NSG1: variants seen among roughly 807,000 people sequenced by gnomAD.
The protein encoded by NSG1 is neuronal vesicle trafficking associated 1, also known as neuronal vesicle trafficking-associated protein 1.
In NSG1, 9 loss-of-function variants were observed where a neutral mutation model predicts 19.3. That is an observed-to-expected ratio of 0.47 (90% CI 0.28 to 0.81). The LOEUF (loss-of-function observed/expected upper bound fraction) is 0.81. Among genes scored for constraint, NSG1 ranks in the 40% least tolerant of loss-of-function variants. NSG1 has a pLI of 0.11. For missense variants in NSG1, 236 were observed against 242.4 expected (o/e 0.97, Z 0.18); for synonymous variants, 104 against 107.0 (o/e 0.97, Z 0.17).
At chr4:4,410,104 CA>C (rs1328483463) in intron 4 of NSG1, among the ~76,000 whole-genome samples, 1 of 152,182 alleles carries the variant, frequency 6.6e-6, no homozygotes, top group Non-Finnish European at 1.5e-5. Context: ...CCAAGTCCCA[CA>C]GAGAGGAAGG....
At chr4:4,394,330 T>C (rs1723141143) in intron 3 of NSG1, among the ~76,000 whole-genome samples, 1 of 152,150 alleles carries the variant, frequency 6.6e-6, no homozygotes. Flanking sequence ...CCCAAGGCCT[T>C]CAGAGACATG....
At chr4:4,392,644 G>C (rs1262576952) in intron 3 of NSG1, among the ~76,000 whole-genome samples, 1 of 152,222 alleles carries the variant, frequency 6.6e-6, no homozygotes, top group African/African-American at 2.4e-5. Context: ...GGCGTAATCT[G>C]ACTTTCAGTC....
intron 2 of NSG1, 106 bp downstream of exon 2, chr4:4,387,864 G>A: frequency 1.1e-6 from 1 of 948,882 alleles, no homozygotes; most frequent in Non-Finnish European, 1.6e-6. Context: ...CGCGAAGTGG[G>A]GGCGGGCTCG....
In NSG1 at chr4:4,413,529, C is replaced by T. The variant is rs547119321; in HGVS notation, c.358-3706C>T. 5.2e-4 allele frequency among the ~76,000 whole-genome samples: 78 copies of T among 151,256 alleles called. 1 individual carries two copies. Among genetic ancestry groups the T allele is most frequent in the African/African-American group, 1.8e-3 (76 of 41,182 alleles). ...CGGGCTTCAGGGAACGAGGGCAGTG[C>T]TGGCCCTGACCCAGTGGGAAGGGGT... is the stretch of plus-strand genomic sequence containing the variant. On this transcript the variant is annotated intron_variant, in intron 4 of 4. Coordinates refer to ENST00000621129, the MANE Select transcript of NSG1 (RefSeq NM_014392.5).
chr4:4,414,874 C>T (rs900469221), intron 4 of NSG1, among the ~76,000 whole-genome samples: 9 of 151,886 alleles, frequency 5.9e-5, no homozygotes, highest in African/African-American at 1.7e-4. Flanking sequence ...CCAGTGGCCC[C>T]AAGCTGAGGC....
chr4:4,415,549 C>T (rs1477790198), intron 4 of NSG1, among the ~76,000 whole-genome samples: 1 of 145,330 alleles, frequency 6.9e-6, no homozygotes, highest in Non-Finnish European at 1.5e-5. Flanking sequence ...AAGCCCTTCA[C>T]CCCCTGGGGT....
At position 4,387,661 on chromosome 4, in the gene NSG1, A is replaced by G. The variant is rs757679807; in HGVS notation, c.32A>G (p.Lys11Arg). 3 of 1,613,558 alleles carry G rather than the reference A, an allele frequency of 1.9e-6. No homozygotes were observed. In the South Asian group the frequency reaches 3.3e-5, roughly 18 times the overall value. The change falls in exon 2 of 5, where the codon AAG becomes AGG. Residue 11 changes from lysine to arginine, a missense_variant. Coordinates refer to ENST00000621129, the MANE Select transcript of NSG1 (RefSeq NM_014392.5). MVKLGNNFAE[K>R]GTKQPLLEDG... is the part of the protein sequence containing the mutation. ...AAGTTGGGGAACAATTTCGCAGAGA[A>G]GGGCACCAAGCAGCCGCTGCTGGAG...
At chr4:4,410,315 A>AG (rs528562893) in intron 4 of NSG1, among the ~76,000 whole-genome samples, 200 of 152,338 alleles carry the variant, frequency 1.3e-3, no homozygotes, top group African/African-American at 4.2e-3. Flanking sequence ...ACGGGATTAA[A>AG]GGGAGGGGAG....
chr4:4,407,440 A>C (rs550446964), intron 3 of NSG1, among the ~76,000 whole-genome samples: 12 of 152,134 alleles, frequency 7.9e-5, no homozygotes, highest in African/African-American at 2.7e-4. Flanking sequence ...GGAGTGCGAG[A>C]GCAGCCTGGG....
At chr4:4,405,384 G>T (rs1327662228) in intron 3 of NSG1, among the ~76,000 whole-genome samples, 1 of 152,154 alleles carries the variant, frequency 6.6e-6, no homozygotes, top group African/African-American at 2.4e-5. Context: ...GATCCTGGGG[G>T]CTGGACTTCA....
Position 4,417,332 on chromosome 4 carries a change from T to A in NSG1, c.455T>A (p.Leu152Gln), listed in dbSNP as rs778206077. The change falls in exon 5 of 5, where the codon CTG becomes CAG. Residue 152 changes from leucine to glutamine, a missense_variant. Coordinates refer to ENST00000621129, the MANE Select transcript of NSG1 (RefSeq NM_014392.5). ...KFYTVINHYN[L>Q]AKQSITRSVS... is the part of the protein sequence containing the mutation. The stretch of plus-strand genomic sequence containing the variant: ...TACACAGTCATAAACCACTACAACC[T>A]GGCCAAGCAGAGCATCACGCGCTCC... 16 of 1,614,166 alleles carry A rather than the reference T, an allele frequency of 9.9e-6. No individual in the cohort carries two copies. The South Asian group carries it at 1.6e-4, about 17-fold the overall frequency.
Position 4,417,676 on chromosome 4 carries a change from T to G in NSG1, c.*241T>G, listed in dbSNP as rs1224984562. 1 of 529,848 alleles carries G rather than the reference T, an allele frequency of 1.9e-6. No individual in the cohort carries two copies. The highest frequency in any genetic ancestry group is 3.3e-5 in the East Asian group (1 of 30,182). 32.8% of individuals were successfully genotyped at this position (529,848 alleles called of 1,614,324 possible). A position where few individuals can be genotyped will look rare whatever the true frequency, so the allele number is the denominator to read the frequency against. Reference sequence around the variant, plus strand: ...CCACTTTTCATGTTAAGATCTTCATTTAGCTCCTTTACTGGGATTTATTGG... The same window carrying G: ...CCACTTTTCATGTTAAGATCTTCATGTAGCTCCTTTACTGGGATTTATTGG... On this transcript the variant is annotated 3_prime_UTR_variant, in exon 5 of 5. Transcript: ENST00000621129.
rs1213455084 is a variant in NSG1 at position 4,413,418 on chromosome 4, G to T, written c.357+3735G>T. 4.0e-5 allele frequency among the ~76,000 whole-genome samples: 6 copies of T among 151,392 alleles called. No individual in the cohort carries two copies. The South Asian group carries it at 1.3e-3, about 32-fold the overall frequency. On this transcript the variant is annotated intron_variant, in intron 4 of 4. Coordinates refer to ENST00000621129, the MANE Select transcript of NSG1 (RefSeq NM_014392.5). ...GTTTTATTCAGCAAGCCCCGTCCAC[G>T]CCCTAGGCTGGGGCTGGGAGAGTTT...
intron 3 of NSG1, among the ~76,000 whole-genome samples, chr4:4,398,445 G>GCCC (rs60967440): frequency 6.7e-6 from 1 of 150,074 alleles, no homozygotes; most frequent in Non-Finnish European, 1.5e-5. Flanking sequence ...TCACTCCCAT[G>GCCC]CCCCCCCCCA....
intron 3 of NSG1, among the ~76,000 whole-genome samples, chr4:4,403,729 A>G (rs1723695717): frequency 6.6e-6 from 1 of 152,248 alleles, no homozygotes; most frequent in Admixed American, 6.5e-5. Flanking sequence ...TCTGAGCCTC[A>G]GTTTCCCCAT....
intron 2 of NSG1, among the ~76,000 whole-genome samples, chr4:4,390,090 T>C (rs1161451382): frequency 1.3e-5 from 2 of 152,172 alleles, no homozygotes; most frequent in Non-Finnish European, 2.9e-5. Context: ...GGTTTCCTCA[T>C]CCTCAGCAGT....
intron 3 of NSG1, among the ~76,000 whole-genome samples, chr4:4,399,738 A>G (rs568234342): frequency 1.3e-5 from 2 of 152,330 alleles, no homozygotes; most frequent in East Asian, 1.9e-4. Context: ...TGTGGAAGAC[A>G]GTTTTTGTAC....
At chr4:4,402,368 G>GTTTTTTTTTTTTTTTTT (rs1560143233) in intron 3 of NSG1, among the ~76,000 whole-genome samples, 4 of 99,640 alleles carry the variant, frequency 4.0e-5, no homozygotes, top group African/African-American at 1.7e-4. Flanking sequence ...ACCACGCCTG[G>GTTTTTTTTTTTTTTTTT]TTATTTTTTT....
intron 3 of NSG1, among the ~76,000 whole-genome samples, chr4:4,403,544 G>A (rs1307864351): frequency 6.6e-6 from 1 of 152,190 alleles, no homozygotes; most frequent in African/African-American, 2.4e-5. Context: ...GGACACCTGT[G>A]ATTACCTTTA....
Sources: allele counts gnomAD v4.1 joint callset (sites outside exome capture counted in the v4.1 genomes callset), GRCh38; gene constraint gnomAD v4.1.1; transcripts MANE v1.5; gene names NCBI Gene and HGNC (gene_info 2026-07-23, HGNC 2026-07-21).